The following FADS6 variants were observed in gnomAD, a reference collection of about 807,000 sequenced individuals.
FADS6 encodes the protein fatty acid desaturase domain family, member 6.
A neutral mutation model predicts 31.7 loss-of-function variants in FADS6; 28 were observed. That is an observed-to-expected ratio of 0.88 (90% CI 0.66 to 1.21). The LOEUF (loss-of-function observed/expected upper bound fraction) is 1.21. FADS6 is among the 50% of genes most tolerant of loss of function. The pLI, the probability that FADS6 is intolerant of heterozygous loss-of-function variation, is 0.00. For missense variants in FADS6, 494 were observed against 504.2 expected (o/e 0.98, Z 0.19); for synonymous variants, 191 against 213.1 (o/e 0.90, Z 0.90).
rs1317019066 is a variant in FADS6 at position 74,884,253 on chromosome 17, G to A, written c.412-1543C>T. On this transcript the variant is annotated intron_variant, in intron 2 of 5. Coordinates refer to ENST00000612771, the MANE Select transcript of FADS6 (RefSeq NM_178128.6). ...GCATTCACACAGATCCTGCCCCAGA[G>A]CCAGCCCGAAGAGTTCCCTGAGGAC... is the stretch of plus-strand genomic sequence containing the variant. Among the ~76,000 whole-genome samples, 3 of 152,184 alleles carry A rather than the reference G, an allele frequency of 2.0e-5. No individual in the cohort carries two copies. The East Asian group carries it at 5.8e-4, about 29-fold the overall frequency.
intron 1 of FADS6, among the ~76,000 whole-genome samples, 162 bp from the exon 2 acceptor site, chr17:74,892,851 C>G (rs763424282): frequency 4.6e-5 from 7 of 152,148 alleles, no homozygotes; most frequent in Non-Finnish European, 1.0e-4. Context: ...TGAGGGGAAC[C>G]AGGACTGCCC....
intron 4 of FADS6, among the ~76,000 whole-genome samples, chr17:74,880,267 A>G (rs896920546): frequency 6.6e-6 from 1 of 152,108 alleles, no homozygotes; most frequent in Non-Finnish European, 1.5e-5. Context: ...GGCAGGCACT[A>G]GGGGCCTTTA....
In FADS6 at chr17:74,881,187, A is replaced by C; in HGVS notation, c.661T>G (p.Ser221Ala). 1 of 1,612,480 alleles carries C rather than the reference A, an allele frequency of 6.2e-7. No homozygotes were observed. The highest frequency in any genetic ancestry group is 2.2e-5 in the East Asian group (1 of 44,838). ...ACGTTCAGGAGCAGCCAGTAGTGAG[A>C]ATAAAGGCCCAGAGAAATCAGGGCC... Reference protein sequence around the residue: ...TLALISLGLYSHYWLLLNVSG... With the variant: ...TLALISLGLYAHYWLLLNVSG... The change falls in exon 4 of 6, where the codon TCT becomes GCT. Residue 221 changes from serine to alanine, a missense_variant. Transcript: ENST00000612771.
intron 2 of FADS6, among the ~76,000 whole-genome samples, chr17:74,884,883 A>G (rs2038607716): frequency 6.6e-6 from 1 of 151,922 alleles, no homozygotes; most frequent in Admixed American, 6.6e-5. Flanking sequence ...AACTTTTTAT[A>G]TTTTTAGTAG....
At chr17:74,890,631 C>T (rs986269305) in intron 2 of FADS6, among the ~76,000 whole-genome samples, 2 of 152,052 alleles carry the variant, frequency 1.3e-5, no homozygotes, top group African/African-American at 4.8e-5. Context: ...AGAATATTGC[C>T]AAGAGCTCAA....
At chr17:74,892,721 TC>T in intron 1 of FADS6, 32 bp from the exon 2 acceptor site, 1 of 1,582,432 alleles carries the variant, frequency 6.3e-7, no homozygotes, top group Non-Finnish European at 8.6e-7. Context: ...GACGGGTCTT[TC>T]TCTAGCTCTG....
At chr17:74,892,003 C>T (rs568603165) in intron 2 of FADS6, among the ~76,000 whole-genome samples, 1 of 152,238 alleles carries the variant, frequency 6.6e-6, no homozygotes, top group African/African-American at 2.4e-5. Context: ...CCTGGGCGTG[C>T]CCGAAGGTAA....
Position 74,878,425 on chromosome 17 carries a change from T to G in FADS6, c.1013A>C (p.Glu338Ala). The G allele has an allele frequency of 6.2e-7, 1 of 1,614,046 alleles. No individual in the cohort carries two copies. Among genetic ancestry groups the G allele is most frequent in the Non-Finnish European group, 8.5e-7 (1 of 1,179,888 alleles). Reference sequence around the variant, plus strand: ...CTGGAAGCGAGCCAGGTATGAGTCCTCGTTGTACGGTAGCTGCTTCTCACG... The same window carrying G: ...CTGGAAGCGAGCCAGGTATGAGTCCGCGTTGTACGGTAGCTGCTTCTCACG... ...FLREKQLPYNEDSYLARFQLF... is the reference protein window; with the variant it reads ...FLREKQLPYNADSYLARFQLF... Residue 338 changes from glutamate to alanine, a missense_variant, in exon 6 of 6, where the codon GAG (glutamate) becomes GCG (alanine). Physicochemically the swap from Glu to Ala is moderately radical, Grantham distance 107. Transcript: ENST00000612771.
At chr17:74,888,146 A>ACGCG (rs1178449874) in intron 2 of FADS6, among the ~76,000 whole-genome samples, 147 of 113,592 alleles carry the variant, frequency 1.3e-3, no homozygotes, top group African/African-American at 5.1e-3. Flanking sequence ...ACACACACAC[A>ACGCG]CACACACACG....
chr17:74,879,377 A>G, intron 5 of FADS6, 27 bp downstream of exon 5: 2 of 1,607,276 alleles, frequency 1.2e-6, no homozygotes, highest in Non-Finnish European at 1.7e-6. Flanking sequence ...CCTTTATTCC[A>G]GCGCCCCCAG....
chr17:74,892,558 G>C lies in FADS6; in HGVS notation c.376C>G (p.Arg126Gly). Residue 126 changes from arginine (R) to glycine (G), a missense_variant, in exon 2 of 6, where the codon CGC becomes GGC. Physicochemically the swap from Arg to Gly is moderately radical, Grantham distance 125. Coordinates refer to ENST00000612771, the MANE Select transcript of FADS6 (RefSeq NM_178128.6). ...AAAAGCAGCCAGATCTTGCTCCAGCGTTTGGACTCGGTGAGGGCCCCATGA... is the reference window on the plus strand; with the variant it reads ...AAAAGCAGCCAGATCTTGCTCCAGCCTTTGGACTCGGTGAGGGCCCCATGA... ...ATHGALTESK[R>G]WSKIWLLFFV... 1 of 1,613,408 alleles carries C rather than the reference G, an allele frequency of 6.2e-7. No homozygotes were observed. Among genetic ancestry groups the C allele is most frequent in the Non-Finnish European group, 8.5e-7 (1 of 1,179,626 alleles).
chr17:74,892,724 C>T (rs757341189), intron 1 of FADS6, 35 bp from the exon 2 acceptor site: 9 of 1,579,902 alleles, frequency 5.7e-6, no homozygotes, highest in Admixed American at 1.8e-5. Context: ...GGGTCTTTCT[C>T]TAGCTCTGGG....
Position 74,877,763 on chromosome 17 carries a change from A to G in FADS6, c.*568T>C. 1 of 985,624 alleles carries G rather than the reference A, an allele frequency of 1.0e-6. No homozygotes were observed. Among genetic ancestry groups the G allele is most frequent in the Non-Finnish European group, 1.2e-6 (1 of 830,100 alleles). 61.1% of individuals were successfully genotyped at this position (985,624 alleles called of 1,614,324 possible). A position where few individuals can be genotyped will look rare whatever the true frequency, so the allele number is the denominator to read the frequency against. ...CTGTGGCCTGGGGAACTGCTGAGCC[A>G]GTGTCTTGCACAGGTTCCTTTGGCT... On this transcript the variant is annotated 3_prime_UTR_variant, in exon 6 of 6. Transcript: ENST00000612771.
chr17:74,880,968 G>A, intron 4 of FADS6, 100 bp downstream of exon 4: 1 of 1,250,074 alleles, frequency 8.0e-7, no homozygotes, highest in Non-Finnish European at 1.1e-6. Context: ...TCATCCTTCA[G>A]GTGGCCCCTC....
At chr17:74,892,746 C>A in intron 1 of FADS6, 57 bp from the exon 2 acceptor site, 1 of 1,505,660 alleles carries the variant, frequency 6.6e-7, no homozygotes, top group South Asian at 1.3e-5. Flanking sequence ...GATCTGGGCC[C>A]AAATACCTCA....
downstream of FADS6, among the ~76,000 whole-genome samples, chr17:74,876,968 G>A (rs941965690): frequency 6.6e-6 from 1 of 151,940 alleles, no homozygotes; most frequent in Non-Finnish European, 1.5e-5. Context: ...ACCCACTGTG[G>A]GCTGAATCTC....
At chr17:74,890,379 C>G (rs1309410136) in intron 2 of FADS6, among the ~76,000 whole-genome samples, 1 of 152,172 alleles carries the variant, frequency 6.6e-6, no homozygotes, top group African/African-American at 2.4e-5. Flanking sequence ...TGGACCCTCC[C>G]CAGAGGGTAG....
chr17:74,879,402 A>G lies in FADS6; in HGVS notation c.960+2T>C. 6.2e-7 allele frequency: 1 copy of G among 1,613,234 alleles called. No homozygotes were observed. The highest frequency in any genetic ancestry group is 8.5e-7 in the Non-Finnish European group (1 of 1,179,528). ...AGCGCCCCCAGCCCAGCCCTCGACTACCTTCAGGCACATGTTATCAGAGAG... is the reference window on the plus strand; with the variant it reads ...AGCGCCCCCAGCCCAGCCCTCGACTGCCTTCAGGCACATGTTATCAGAGAG... On this transcript the variant is annotated splice_donor_variant, in intron 5 of 5. Coordinates refer to ENST00000612771, the MANE Select transcript of FADS6 (RefSeq NM_178128.6). LOFTEE classifies it high-confidence loss of function.
At position 74,877,380 on chromosome 17, in the gene FADS6, C is replaced by G. The variant is rs1053215569; in HGVS notation, c.*951G>C. 1 of 151,610 alleles carries G rather than the reference C, an allele frequency of 6.6e-6. No individual in the cohort carries two copies. The highest frequency in any genetic ancestry group is 2.4e-5 in the African/African-American group (1 of 41,182). The allele number at this position is 151,610 out of a possible 1,614,324, so 9.4% of individuals were successfully genotyped here. On this transcript the variant is annotated 3_prime_UTR_variant, in exon 6 of 6. Coordinates refer to ENST00000612771, the MANE Select transcript of FADS6 (RefSeq NM_178128.6). The stretch of plus-strand genomic sequence containing the variant: ...ATGGAGTCTCGCTCTGTCACCCAGG[C>G]TGGAATGCAATGGTGCAATCTTGGC...
Sources: gnomAD v4.1 joint callset for allele counts (sites outside exome capture counted in the v4.1 genomes callset) on GRCh38, gnomAD v4.1.1 for gene constraint, MANE v1.5 for transcripts, NCBI Gene and HGNC (gene_info 2026-07-23, HGNC 2026-07-21) for gene names.